The following HELQ variants were observed in gnomAD, a reference collection of about 807,000 sequenced individuals.
HELQ encodes helicase, POLQ like.
HELQ carries 77 observed loss-of-function variants against 111.6 expected under a neutral mutation model. That is an observed-to-expected ratio of 0.69 (90% CI 0.57 to 0.83). The LOEUF is 0.83. HELQ is among the 40% of genes least tolerant of loss of function. The probability of loss-of-function intolerance (pLI) is 0.00; values close to 1 mark genes in which losing one functional copy is unlikely to be tolerated. For missense variants in HELQ, 1,200 were observed against 1,288.5 expected (o/e 0.93, Z 1.05); for synonymous variants, 438 against 454.7 (o/e 0.96, Z 0.47).
At chr4:83,441,733 TATC>T (rs2110001562) in intron 6 of HELQ, among the ~76,000 whole-genome samples, 1 of 152,050 alleles carries the variant, frequency 6.6e-6, no homozygotes, top group African/African-American at 2.4e-5. Flanking sequence ...TTTACTAAGG[TATC>T]ATCTGTTTTA....
chr4:83,437,122 A>C (rs1311503796), intron 8 of HELQ, 25 bp from the exon 9 acceptor site: 3 of 1,606,832 alleles, frequency 1.9e-6, no homozygotes, highest in Non-Finnish European at 2.5e-6. Flanking sequence ...TGTTAGAAAT[A>C]TGAGCCCTTG....
At chr4:83,417,690 C>G (rs1361023105) in intron 16 of HELQ, among the ~76,000 whole-genome samples, 1 of 152,152 alleles carries the variant, frequency 6.6e-6, no homozygotes, top group African/African-American at 2.4e-5. Context: ...TCTTCTTACT[C>G]TCTTAGAAAA....
chr4:83,453,492 A>T lies in HELQ; in HGVS notation c.751T>A (p.Ser251Thr). 1 of 1,613,470 alleles carries T rather than the reference A, an allele frequency of 6.2e-7. No individual in the cohort carries two copies. Among genetic ancestry groups the T allele is most frequent in the Non-Finnish European group, 8.5e-7 (1 of 1,179,846 alleles). The change falls in exon 2 of 18, where the codon TCC (serine) becomes ACC (threonine). Residue 251 changes from serine (S) to threonine (T), a missense_variant. By Grantham distance (58) the Ser-to-Thr change is moderately conservative. Around this residue, in one of 3 missense-constraint regions of HELQ, gnomAD observed 610 missense variants for 607.1 expected, o/e 1.00. Coordinates refer to ENST00000295488, the MANE Select transcript of HELQ (RefSeq NM_133636.5). ...ATATCTGAACTAGTTCTGACTTTGGAAGAGGACTCATCATTTTGCTGGGGT... is the reference window on the plus strand; with the variant it reads ...ATATCTGAACTAGTTCTGACTTTGGTAGAGGACTCATCATTTTGCTGGGGT... ...EQPQQNDESS[S>T]KVRTSSDMNR...
chr4:83,441,214 T>C, intron 7 of HELQ, 91 bp downstream of exon 7: 4 of 705,788 alleles, frequency 5.7e-6, no homozygotes, highest in South Asian at 5.1e-5. Context: ...CTCTGAAAAA[T>C]CTAGACTATT....
At chr4:83,439,825 T>C (rs764944623) in intron 8 of HELQ, 38 bp downstream of exon 8, 1 of 1,314,090 alleles carries the variant, frequency 7.6e-7, no homozygotes, top group Admixed American at 1.9e-5. Flanking sequence ...TAATTCCTAA[T>C]AAAAATAAAA....
intron 17 of HELQ, among the ~76,000 whole-genome samples, chr4:83,408,248 C>A (rs771273736): frequency 3.3e-5 from 5 of 152,176 alleles, no homozygotes; most frequent in East Asian, 3.9e-4. Context: ...TCCGCTCCCC[C>A]CCACCCGCCT....
At position 83,446,145 on chromosome 4, in the gene HELQ, A is replaced by C. The variant is rs969353378; in HGVS notation, c.1393-59T>G. The C allele has an allele frequency of 2.7e-6, 3 of 1,105,280 alleles. No individual in the cohort carries two copies. The African/African-American group carries it at 4.6e-5, about 17-fold the overall frequency. The allele number at this position is 1,105,280 out of a possible 1,614,324, so 68.5% of individuals were successfully genotyped here. ...AAATCTTCATATAGTGCTCATATAA[A>C]ACATGCATATATTCATATGAAATTT... On this transcript the variant is annotated intron_variant, in intron 4 of 17. Coordinates refer to ENST00000295488, the MANE Select transcript of HELQ (RefSeq NM_133636.5).
chr4:83,447,119 G>T lies in HELQ; in HGVS notation c.1192-84C>A. The T allele has an allele frequency of 4.9e-6, 4 of 809,188 alleles. No individual in the cohort carries two copies. In the East Asian group the frequency reaches 8.0e-5, roughly 16 times the overall value. 50.1% of individuals were successfully genotyped at this position (809,188 alleles called of 1,614,324 possible). A position where few individuals can be genotyped will look rare whatever the true frequency, so the allele number is the denominator to read the frequency against. ...TCCCAGTACCTTGGGAGGCTGAGGC[G>T]GGAAGATCACTTGAGCCCAGGAAGG... On this transcript the variant is annotated intron_variant, in intron 3 of 17. Transcript: ENST00000295488.
At chr4:83,424,895 T>C (rs571439439) in intron 14 of HELQ, among the ~76,000 whole-genome samples, 3 of 152,258 alleles carry the variant, frequency 2.0e-5, no homozygotes, top group East Asian at 3.9e-4. Flanking sequence ...CATGGGACAC[T>C]GCACCATCAA....
At chr4:83,437,843 T>C (rs1411981624) in intron 8 of HELQ, among the ~76,000 whole-genome samples, 1 of 152,116 alleles carries the variant, frequency 6.6e-6, no homozygotes, top group African/African-American at 2.4e-5. Flanking sequence ...GATGGAAACA[T>C]ACATATTATT....
At chr4:83,431,854 T>A in intron 10 of HELQ, 86 bp from the exon 11 acceptor site, 2 of 590,746 alleles carry the variant, frequency 3.4e-6, no homozygotes, top group Non-Finnish European at 5.3e-6. Flanking sequence ...TTTACATAAA[T>A]CTTGTGGAGC....
At chr4:83,450,364 T>A (rs1553933112) in intron 2 of HELQ, among the ~76,000 whole-genome samples, 1 of 140,168 alleles carries the variant, frequency 7.1e-6, no homozygotes. Flanking sequence ...CCATCTCTAT[T>A]AAAAAAAAAA....
At chr4:83,449,103 T>C in intron 2 of HELQ, 142 bp from the exon 3 acceptor site, 1 of 691,102 alleles carries the variant, frequency 1.4e-6, no homozygotes, top group Non-Finnish European at 2.3e-6. Flanking sequence ...ATGTTACATG[T>C]CAAAAATCCC....
At chr4:83,446,149 T>C in intron 4 of HELQ, 63 bp from the exon 5 acceptor site, 1 of 1,075,576 alleles carries the variant, frequency 9.3e-7, no homozygotes, top group Non-Finnish European at 1.4e-6. Flanking sequence ...ATATAAAACA[T>C]GCATATATTC....
intron 17 of HELQ, among the ~76,000 whole-genome samples, chr4:83,410,449 G>GT (rs567405988): frequency 5.3e-5 from 8 of 151,878 alleles, no homozygotes; most frequent in South Asian, 2.1e-4. Context: ...CTGAATGTTT[G>GT]TTTTTTTTGG....
chr4:83,412,887 C>T (rs1186728458), intron 17 of HELQ, among the ~76,000 whole-genome samples: 1 of 152,188 alleles, frequency 6.6e-6, no homozygotes, highest in Non-Finnish European at 1.5e-5. Flanking sequence ...GAAAGGAATG[C>T]TGCACAGAGA....
At chr4:83,426,451 A>G (rs967680546) in intron 13 of HELQ, among the ~76,000 whole-genome samples, 2 of 151,844 alleles carry the variant, frequency 1.3e-5, no homozygotes, top group African/African-American at 2.4e-5. Flanking sequence ...TTGAGAAGAG[A>G]TGGAGAAAAG....
Position 83,426,051 on chromosome 4 carries a change from A to G in HELQ, c.2718T>C (p.Ile906=), listed in dbSNP as rs1449483188. 1 of 1,611,322 alleles carries G rather than the reference A, an allele frequency of 6.2e-7. No individual in the cohort carries two copies. The highest frequency in any genetic ancestry group is 8.5e-7 in the Non-Finnish European group (1 of 1,177,814). The change falls in exon 14 of 18, where the codon ATT becomes ATC. Residue 906 remains isoleucine, a synonymous_variant. Coordinates refer to ENST00000295488, the MANE Select transcript of HELQ (RefSeq NM_133636.5). ...CAATAAAGCTTTCAGAGACTCCAAG[A>G]ATGGCAGCTACATTTTGTTCTGCTG... ...LSPAEQNVAA[I]LGVSESFIGK... is the part of the protein sequence containing the mutation.
intron 17 of HELQ, among the ~76,000 whole-genome samples, chr4:83,410,057 C>T (rs146012901): frequency 6.6e-6 from 1 of 152,126 alleles, no homozygotes; most frequent in Non-Finnish European, 1.5e-5. Flanking sequence ...TAGAGACCAG[C>T]CTGGGCAATG....
Sources: allele counts gnomAD v4.1 joint callset (sites outside exome capture counted in the v4.1 genomes callset), GRCh38; gene constraint gnomAD v4.1.1; regional missense constraint gnomAD v4.1.1; transcripts MANE v1.5; gene names NCBI Gene and HGNC (gene_info 2026-07-23, HGNC 2026-07-21).